The following EXD1 variants were observed in gnomAD, a reference collection of about 807,000 sequenced individuals.
EXD1 encodes the protein exonuclease 3'-5' domain containing 1.
A neutral mutation model predicts 49.1 loss-of-function variants in EXD1; 63 were observed. The observed-to-expected ratio is 1.28, with a 90% CI of 1.05 to 1.58. The LOEUF (loss-of-function observed/expected upper bound fraction) is 1.58. Among genes scored for constraint, EXD1 ranks in the 40% most tolerant of loss-of-function variants. The pLI, the probability that EXD1 is intolerant of heterozygous loss-of-function variation, is 0.00. For missense variants in EXD1, 748 were observed against 666.0 expected (o/e 1.12, Z -1.36); for synonymous variants, 234 against 239.2 (o/e 0.98, Z 0.20).
chr15:41,217,680 C>T (rs2047021921), intron 3 of EXD1, among the ~76,000 whole-genome samples: 1 of 152,038 alleles, frequency 6.6e-6, no homozygotes, highest in Non-Finnish European at 1.5e-5. Flanking sequence ...GGACTACAGG[C>T]ATGCGCCACC....
Position 41,215,830 on chromosome 15 carries a change from TCCTCTA to T in EXD1, c.389-3_391del. 1.2e-6 allele frequency: 2 copies of T among 1,613,862 alleles called. No individual in the cohort carries two copies. Among genetic ancestry groups the T allele is most frequent in the Non-Finnish European group, 1.7e-6 (2 of 1,179,840 alleles). ...AATGACTGTGTATGTCACCTCCTCT[TCCTCTA>T]CAAGACAAGGATTGCATTAGATATA... On this transcript the variant is annotated splice_acceptor_variant and splice_polypyrimidine_tract_variant and coding_sequence_variant and intron_variant, in exon 6 of 12. Coordinates refer to ENST00000458580, the MANE Select transcript of EXD1 (RefSeq NM_001286441.2). LOFTEE classifies it high-confidence loss of function.
intron 7 of EXD1, among the ~76,000 whole-genome samples, chr15:41,203,940 A>C (rs1018458054): frequency 3.2e-4 from 47 of 147,418 alleles, no homozygotes; most frequent in Middle Eastern, 7.1e-3. Flanking sequence ...AAAAAAAAAA[A>C]AAAACCCTAA....
intron 7 of EXD1, among the ~76,000 whole-genome samples, chr15:41,200,459 G>A (rs563602117): frequency 6.6e-6 from 1 of 152,286 alleles, no homozygotes; most frequent in African/African-American, 2.4e-5. Context: ...GAAGGCAGAG[G>A]TTGCAGTGAG....
chr15:41,223,106 C>T (rs918108283), intron 2 of EXD1, among the ~76,000 whole-genome samples: 4 of 152,156 alleles, frequency 2.6e-5, no homozygotes, highest in Admixed American at 1.3e-4. Context: ...TGAGCCACCA[C>T]GACTGGCTAA....
intron 11 of EXD1, 65 bp from the exon 12 acceptor site, chr15:41,184,658 C>CT (rs11454626): frequency 0.23 from 286,586 of 1,235,746 alleles, 9,667 homozygotes; most frequent in African/African-American, 0.48. Flanking sequence ...CTTAAAATCA[C>CT]TTTTTTTTTT....
At chr15:41,220,427 C>A (rs2090826) in intron 2 of EXD1, among the ~76,000 whole-genome samples, 1 of 151,834 alleles carries the variant, frequency 6.6e-6, no homozygotes, top group Non-Finnish European at 1.5e-5. Flanking sequence ...CGAGCCACCA[C>A]GTTTTATATT....
intron 7 of EXD1, among the ~76,000 whole-genome samples, chr15:41,206,776 C>T (rs1439879854): frequency 2.7e-5 from 4 of 150,102 alleles, no homozygotes; most frequent in Non-Finnish European, 5.9e-5. Flanking sequence ...CATGCGCCAC[C>T]ACGCCTGGCT....
At chr15:41,195,472 C>T (rs1475789577) in intron 9 of EXD1, among the ~76,000 whole-genome samples, 1 of 152,038 alleles carries the variant, frequency 6.6e-6, no homozygotes. Context: ...TCTGAATGAT[C>T]CCTAAATTGC....
chr15:41,213,172 A>G (rs1275548983), intron 6 of EXD1, among the ~76,000 whole-genome samples: 1 of 151,950 alleles, frequency 6.6e-6, no homozygotes, highest in Non-Finnish European at 1.5e-5. Flanking sequence ...AAAAAACTAC[A>G]TATTTTATTA....
chr15:41,215,857 A>T, intron 5 of EXD1, 24 bp from the exon 6 acceptor site: 2 of 1,609,622 alleles, frequency 1.2e-6, no homozygotes, highest in East Asian at 4.5e-5. Context: ...ATTGCATTAG[A>T]TATATTTCTC....
intron 1 of EXD1, 47 bp downstream of exon 1, chr15:41,230,432 T>A: frequency 6.3e-7 from 1 of 1,586,648 alleles, no homozygotes; most frequent in African/African-American, 1.3e-5. Flanking sequence ...AAATGCAAAA[T>A]TTCTCATTTT....
At chr15:41,188,576 A>C (rs2046452960) in intron 11 of EXD1, among the ~76,000 whole-genome samples, 1 of 151,750 alleles carries the variant, frequency 6.6e-6, no homozygotes. Context: ...TATTTTTTGT[A>C]GAGACGGGGT....
At chr15:41,188,625 T>A (rs184077381) in intron 11 of EXD1, among the ~76,000 whole-genome samples, 46 of 151,876 alleles carry the variant, frequency 3.0e-4, no homozygotes, top group Non-Finnish European at 5.6e-4. Flanking sequence ...ACTCTTGACC[T>A]CAGGTGATCA....
chr15:41,226,336 TTACCTAAAATAG>T, intron 2 of EXD1, 95 bp downstream of exon 2: 1 of 1,068,832 alleles, frequency 9.4e-7, no homozygotes. Flanking sequence ...CTCCCACACT[TTACCTAAAATAG>T]GAATAATGCC....
chr15:41,183,738 T>C lies in EXD1; in HGVS notation c.*193A>G. 1 of 513,040 alleles carries C rather than the reference T, an allele frequency of 1.9e-6. No individual in the cohort carries two copies. Among genetic ancestry groups the C allele is most frequent in the Non-Finnish European group, 3.4e-6 (1 of 297,770 alleles). 31.8% of individuals were successfully genotyped at this position (513,040 alleles called of 1,614,324 possible). On this transcript the variant is annotated 3_prime_UTR_variant, in exon 12 of 12. Transcript: ENST00000458580. ...ACAGTGACATAATCAGAAATTATAC[T>C]TCTTCCATTATTTAACTTATTCATT...
chr15:41,196,623 G>A (rs987266016), intron 7 of EXD1, among the ~76,000 whole-genome samples: 4 of 151,536 alleles, frequency 2.6e-5, no homozygotes, highest in Non-Finnish European at 4.4e-5. Flanking sequence ...GTGAGAAAGG[G>A]TTTCACCATA....
intron 7 of EXD1, among the ~76,000 whole-genome samples, chr15:41,196,635 T>C (rs1566978639): frequency 1.3e-5 from 2 of 151,758 alleles, no homozygotes; most frequent in Non-Finnish European, 2.9e-5. Context: ...TTCACCATAT[T>C]GGCCAGGCTG....
intron 2 of EXD1, among the ~76,000 whole-genome samples, chr15:41,224,161 C>T (rs8034262): frequency 6.6e-6 from 1 of 152,176 alleles, no homozygotes; most frequent in Non-Finnish European, 1.5e-5. Context: ...TGGTTTCAAA[C>T]TCCTGACCTC....
In EXD1 at chr15:41,222,072, A is replaced by C. The variant is rs192020238; in HGVS notation, c.134-2174T>G. On this transcript the variant is annotated intron_variant, in intron 2 of 11. Transcript: ENST00000458580. ...CCAAGATCACGCCACTACACTCCAG[A>C]CTGGGCGACAGAGTGAGACTCCGTC... 2.9e-3 allele frequency among the ~76,000 whole-genome samples: 442 copies of C among 151,928 alleles called. 3 individuals carry two copies. Among genetic ancestry groups the C allele is most frequent in the African/African-American group, 0.01 (434 of 41,452 alleles).
Sources: gnomAD v4.1 joint callset for allele counts (sites outside exome capture counted in the v4.1 genomes callset) on GRCh38, gnomAD v4.1.1 for gene constraint, MANE v1.5 for transcripts, NCBI Gene and HGNC (gene_info 2026-07-23, HGNC 2026-07-21) for gene names.